The following SNF8 variants were observed in gnomAD, a reference collection of about 807,000 sequenced individuals.
SNF8 encodes SNF8 subunit of ESCRT-II.
Under a neutral mutation model 36.8 loss-of-function variants are expected in SNF8, and 19 were observed. That is an observed-to-expected ratio of 0.52 (90% CI 0.36 to 0.76). The LOEUF (loss-of-function observed/expected upper bound fraction) is 0.76. Ranked by LOEUF, SNF8 falls within the 30% of genes least tolerant of loss-of-function variation. The pLI, the probability that SNF8 is intolerant of heterozygous loss-of-function variation, is 0.00. For missense variants in SNF8, 268 were observed against 322.9 expected (o/e 0.83, Z 1.30); for synonymous variants, 127 against 127.4 (o/e 1.00, Z 0.02).
chr17:48,940,326 C>A (rs960555743), intron 3 of SNF8, among the ~76,000 whole-genome samples: 4 of 151,704 alleles, frequency 2.6e-5, no homozygotes, highest in African/African-American at 9.7e-5. Flanking sequence ...CAGGCATGAG[C>A]CATTGCACCT....
chr17:48,942,587 C>A (rs1345770748), intron 2 of SNF8, among the ~76,000 whole-genome samples: 2 of 152,226 alleles, frequency 1.3e-5, no homozygotes, highest in South Asian at 4.2e-4. Context: ...AGGAGCTGCA[C>A]CCCCCATCAC....
In SNF8 at chr17:48,944,808, C is replaced by T; in HGVS notation, c.-74G>A. ...CACGTCCCGGACTCCGCCGCCGGCTCCCCAAGGCGGAAGCCCGAGCCGCGC... is the reference window on the plus strand; with the variant it reads ...CACGTCCCGGACTCCGCCGCCGGCTTCCCAAGGCGGAAGCCCGAGCCGCGC... On this transcript the variant is annotated 5_prime_UTR_variant, in exon 1 of 8. Coordinates refer to ENST00000502492, the MANE Select transcript of SNF8 (RefSeq NM_007241.4). 15 of 1,454,572 alleles carry T rather than the reference C, an allele frequency of 1.0e-5. No homozygotes were observed. The highest frequency in any genetic ancestry group is 1.4e-5 in the South Asian group (1 of 70,568). 90.1% of individuals were successfully genotyped at this position (1,454,572 alleles called of 1,614,324 possible). A position where few individuals can be genotyped will look rare whatever the true frequency, so the allele number is the denominator to read the frequency against.
intron 2 of SNF8, among the ~76,000 whole-genome samples, chr17:48,941,286 C>A (rs2041019586): frequency 6.6e-6 from 1 of 152,018 alleles, no homozygotes; most frequent in South Asian, 2.1e-4. Flanking sequence ...CCAAAATACA[C>A]AATTTTTCAT....
chr17:48,942,738 C>T (rs1252316871), intron 2 of SNF8, among the ~76,000 whole-genome samples: 1 of 151,898 alleles, frequency 6.6e-6, no homozygotes, highest in African/African-American at 2.4e-5. Context: ...CTACCACTTA[C>T]TACCCATATA....
At chr17:48,939,280 A>C (rs924837058) in intron 3 of SNF8, among the ~76,000 whole-genome samples, 17 of 150,858 alleles carry the variant, frequency 1.1e-4, no homozygotes, top group African/African-American at 3.4e-4. Context: ...AAAAAAAAAA[A>C]AAAACACTGG....
Position 48,943,921 on chromosome 17 carries a change from T to G in SNF8, c.105+4A>C. 6.2e-7 allele frequency: 1 copy of G among 1,613,894 alleles called. No individual in the cohort carries two copies. The highest frequency in any genetic ancestry group is 8.5e-7 in the Non-Finnish European group (1 of 1,179,826). ...CCCTGCCTGGGGCCCCCCAACCGAC[T>G]TACCTGGGCTAGCTGGTCCTCAGCC... is the stretch of plus-strand genomic sequence containing the variant. On this transcript the variant is annotated splice_donor_region_variant and intron_variant, in intron 2 of 7. Coordinates refer to ENST00000502492, the MANE Select transcript of SNF8 (RefSeq NM_007241.4).
In SNF8 at chr17:48,944,705, G is replaced by A; in HGVS notation, c.30C>T (p.Ala10=). MHRRGVGAG[A]IAKKKLAEAK... Reference sequence around the variant, plus strand: ...CCTCTGCAAGTTTCTTCTTGGCGATGGCGCCAGCTCCCACCCCGCGGCGGT... The same window carrying A: ...CCTCTGCAAGTTTCTTCTTGGCGATAGCGCCAGCTCCCACCCCGCGGCGGT... The change falls in exon 1 of 8, where the codon GCC becomes GCT. Residue 10 remains alanine, a synonymous_variant. Coordinates refer to ENST00000502492, the MANE Select transcript of SNF8 (RefSeq NM_007241.4). 1.2e-6 allele frequency: 2 copies of A among 1,612,170 alleles called. No homozygotes were observed. The highest frequency in any genetic ancestry group is 1.7e-6 in the Non-Finnish European group (2 of 1,179,284).
At chr17:48,935,102 G>C (rs565946214) in intron 5 of SNF8, among the ~76,000 whole-genome samples, 18 of 152,238 alleles carry the variant, frequency 1.2e-4, no homozygotes, top group African/African-American at 4.3e-4. Context: ...CAGCCGTGGT[G>C]TCTCACACCT....
intron 7 of SNF8, 39 bp from the exon 8 acceptor site, chr17:48,930,651 G>A (rs1292977035): frequency 1.9e-6 from 3 of 1,601,166 alleles, no homozygotes; most frequent in Non-Finnish European, 2.6e-6. Context: ...TGAGAACAGG[G>A]AGGTTCCATA....
At position 48,943,988 on chromosome 17, in the gene SNF8, G is replaced by C; in HGVS notation, c.55-13C>G. 2 of 1,613,614 alleles carry C rather than the reference G, an allele frequency of 1.2e-6. No homozygotes were observed. The highest frequency in any genetic ancestry group is 1.7e-6 in the Non-Finnish European group (2 of 1,179,740). On this transcript the variant is annotated splice_polypyrimidine_tract_variant and intron_variant, in intron 1 of 7. Coordinates refer to ENST00000502492, the MANE Select transcript of SNF8 (RefSeq NM_007241.4). ...CCTTATACTTGGCCTGTCAGACAAA[G>C]AGACCAGCATAAGTTAAGAGAGTGG...
At position 48,936,216 on chromosome 17, in the gene SNF8, G is replaced by C. The variant is rs761300157; in HGVS notation, c.376C>G (p.Gln126Glu). ...GGLITLEELH[Q>E]QVLKGRGKFA... ...TTGCCCCTTCCCTTCAACACCTGTTGATGTAGTTCCTCCAAAGTTATCAGA... is the reference window on the plus strand; with the variant it reads ...TTGCCCCTTCCCTTCAACACCTGTTCATGTAGTTCCTCCAAAGTTATCAGA... The change falls in exon 5 of 8, where the codon CAA becomes GAA. Residue 126 changes from glutamine to glutamate, a missense_variant. Gln to Glu is a conservative substitution (Grantham distance 29, BLOSUM62 2). Transcript: ENST00000502492. The C allele has an allele frequency of 1.9e-6, 3 of 1,613,946 alleles. No individual in the cohort carries two copies. The South Asian group carries it at 3.3e-5, about 18-fold the overall frequency.
intron 3 of SNF8, among the ~76,000 whole-genome samples, chr17:48,937,523 G>C (rs1180425628): frequency 6.6e-6 from 1 of 151,746 alleles, no homozygotes; most frequent in Non-Finnish European, 1.5e-5. Flanking sequence ...CCAGCTACTT[G>C]GGAGGCTGAG....
chr17:48,940,813 T>A, intron 3 of SNF8, 111 bp downstream of exon 3: 1 of 1,265,496 alleles, frequency 7.9e-7, no homozygotes, highest in Admixed American at 2.1e-5. Context: ...CCTCTGGGTC[T>A]TCCTGCAGGC....
intron 6 of SNF8, chr17:48,932,473 G>A (rs4399576): frequency 0.41 from 62,585 of 152,062 alleles, 15,416 homozygotes; most frequent in East Asian, 0.71. Flanking sequence ...TGGGCCGGGT[G>A]CGGTGGCTCA....
Position 48,931,653 on chromosome 17 carries a change from C to G in SNF8, c.629G>C (p.Arg210Pro), listed in dbSNP as rs775611332. ...ASLKWETERA[R>P]QVLEHLLKEG... ...TCCAAAGTTGCATACCAGCACTTGC[C>G]GCGCTCGCTCGGTCTCCCATTTAAG... is the stretch of plus-strand genomic sequence containing the variant. The change falls in exon 7 of 8, where the codon CGG becomes CCG. Residue 210 changes from arginine to proline, a missense_variant. Arg to Pro is a moderately radical substitution (Grantham distance 103). Coordinates refer to ENST00000502492, the MANE Select transcript of SNF8 (RefSeq NM_007241.4). 3 of 1,613,124 alleles carry G rather than the reference C, an allele frequency of 1.9e-6. No homozygotes were observed. The South Asian group carries it at 3.3e-5, about 18-fold the overall frequency.
rs2040946385 is a variant in SNF8 at position 48,937,105 on chromosome 17, A to G, written c.264T>C (p.Ser88=). 1.2e-6 allele frequency: 2 copies of G among 1,613,714 alleles called. No individual in the cohort carries two copies. Among genetic ancestry groups the G allele is most frequent in the Admixed American group, 1.7e-5 (1 of 59,980 alleles). ...DPLASGKGFW[S]EMLGVGDFYY... ...AGAAGTCCCCCACGCCCAGCATCTC[A>G]GACCAAAATCCTTTTCCAGCTACAA... The change falls in exon 4 of 8, where the codon TCT becomes TCC. Residue 88 remains serine, a synonymous_variant. Coordinates refer to ENST00000502492, the MANE Select transcript of SNF8 (RefSeq NM_007241.4).
intron 3 of SNF8, 31 bp from the exon 4 acceptor site, chr17:48,937,155 T>C: frequency 6.7e-7 from 1 of 1,492,584 alleles, no homozygotes; most frequent in South Asian, 1.1e-5. Context: ...ATCTCGGTTA[T>C]TGATTAATTT....
rs772415049 is a variant in SNF8 at position 48,930,484 on chromosome 17, G to A, written c.768C>T (p.Ala256=). ...QEITAEEARE[A]LP The stretch of plus-strand genomic sequence containing the variant: ...GCCCTTCCACATGCAGTCAGGGGAG[G>A]GCTTCTCTGGCCTCCTCAGCTGTAA... The change falls in exon 8 of 8, where the codon GCC becomes GCT. Residue 256 remains alanine (A), a synonymous_variant. Coordinates refer to ENST00000502492, the MANE Select transcript of SNF8 (RefSeq NM_007241.4). 5.0e-6 allele frequency: 8 copies of A among 1,605,176 alleles called. No individual in the cohort carries two copies. Among genetic ancestry groups the A allele is most frequent in the Non-Finnish European group, 6.8e-6 (8 of 1,175,900 alleles).
intron 3 of SNF8, among the ~76,000 whole-genome samples, chr17:48,938,986 C>T (rs1409655133): frequency 2.0e-5 from 3 of 151,916 alleles, no homozygotes; most frequent in Non-Finnish European, 4.4e-5. Flanking sequence ...TAGCCGGGCG[C>T]GGTAGCTCAC....
Sources: gnomAD v4.1 joint callset for allele counts (sites outside exome capture counted in the v4.1 genomes callset) on GRCh38, gnomAD v4.1.1 for gene constraint, MANE v1.5 for transcripts, NCBI Gene and HGNC (gene_info 2026-07-23, HGNC 2026-07-21) for gene names.